DRC11: variants seen among roughly 807,000 people sequenced by gnomAD.
The protein encoded by DRC11 is dynein regulatory complex subunit 11.
the DRC11 span, among the ~76,000 whole-genome samples, chr2:236,336,456 ACGGCCACCACCAC>A: frequency 1.3e-5 from 2 of 150,218 alleles, no homozygotes; most frequent in African/African-American, 5.0e-5. This position sits in a 1 kb window ranked among gnomAD's most constrained non-coding sequence, Gnocchi z 7.3. Flanking sequence ...CACTGCCACC[ACGGCCACCACCAC>A]TGCCACCACG....
chr2:236,460,937 TAG>T, the DRC11 span, among the ~76,000 whole-genome samples: 1 of 152,110 alleles, frequency 6.6e-6, no homozygotes, highest in Non-Finnish European at 1.5e-5. The surrounding 1 kb of genome is among the most constrained non-coding windows in gnomAD (Gnocchi z 4.0). Context: ...GTATTTTTAG[TAG>T]AGACGGGGTT....
the DRC11 span, among the ~76,000 whole-genome samples, chr2:236,376,402 A>G: frequency 4.6e-5 from 7 of 152,234 alleles, no homozygotes; most frequent in Non-Finnish European, 1.0e-4. This position sits in a 1 kb window ranked among gnomAD's most constrained non-coding sequence, Gnocchi z 5.7. Context: ...TATCAGGACA[A>G]TTGGGAAAGC....
the DRC11 span, among the ~76,000 whole-genome samples, chr2:236,433,447 C>A: frequency 6.6e-6 from 1 of 152,116 alleles, no homozygotes; most frequent in Non-Finnish European, 1.5e-5. Flanking sequence ...CTTTTCTTCA[C>A]GTAGAATGTA....
the DRC11 span, chr2:236,363,765 A>G: frequency 6.3e-7 from 1 of 1,577,610 alleles, no homozygotes; most frequent in African/African-American, 1.3e-5. This position sits in a 1 kb window ranked among gnomAD's most constrained non-coding sequence, Gnocchi z 5.6. Flanking sequence ...GGAAACCAAG[A>G]AATGTAATCC....
the DRC11 span, among the ~76,000 whole-genome samples, chr2:236,415,471 C>T: frequency 1.3e-5 from 2 of 152,182 alleles, no homozygotes; most frequent in African/African-American, 2.4e-5. The surrounding 1 kb of genome is among the most constrained non-coding windows in gnomAD (Gnocchi z 5.7). Flanking sequence ...GTTTGAGGTA[C>T]TCTAGGGTTG....
At chr2:236,334,470 G>A in the DRC11 span, among the ~76,000 whole-genome samples, 1 of 152,144 alleles carries the variant, frequency 6.6e-6, no homozygotes. The surrounding 1 kb of genome is among the most constrained non-coding windows in gnomAD (Gnocchi z 7.8). Flanking sequence ...CCAAGGCTAG[G>A]GGCCCCAGAG....
chr2:236,355,591 T>C, the DRC11 span, among the ~76,000 whole-genome samples: 1 of 152,114 alleles, frequency 6.6e-6, no homozygotes, highest in Non-Finnish European at 1.5e-5. Context: ...CCCATGTCCT[T>C]ACTCCTCTCT....
chr2:236,328,950 A>G, the DRC11 span, among the ~76,000 whole-genome samples: 2 of 152,178 alleles, frequency 1.3e-5, no homozygotes, highest in South Asian at 2.1e-4. This position sits in a 1 kb window ranked among gnomAD's most constrained non-coding sequence, Gnocchi z 6.7. Flanking sequence ...CTGGGTGACA[A>G]TCAAGATGGC....
chr2:236,380,671 C>A, the DRC11 span: 2 of 1,460,480 alleles, frequency 1.4e-6, no homozygotes, highest in Non-Finnish European at 1.9e-6. This position sits in a 1 kb window ranked among gnomAD's most constrained non-coding sequence, Gnocchi z 4.9. Flanking sequence ...ACAATTTAGT[C>A]AAAACAAGCA....
At chr2:236,343,600 A>C in the DRC11 span, 1 of 659,442 alleles carries the variant, frequency 1.5e-6, no homozygotes, top group South Asian at 1.5e-5. This position sits in a 1 kb window ranked among gnomAD's most constrained non-coding sequence, Gnocchi z 6.6. Context: ...GTTTCTGATA[A>C]CTCCAGGTGT....
the DRC11 span, chr2:236,399,282 G>T: frequency 1.4e-5 from 11 of 783,086 alleles, no homozygotes; most frequent in Non-Finnish European, 2.2e-5. The surrounding 1 kb of genome is among the most constrained non-coding windows in gnomAD (Gnocchi z 7.0). Context: ...AAGCCACCTC[G>T]CCTGGCCAGG....
At chr2:236,481,260 T>C in the DRC11 span, among the ~76,000 whole-genome samples, 4 of 152,182 alleles carry the variant, frequency 2.6e-5, no homozygotes, top group Admixed American at 6.5e-5. Context: ...TTCCTGTAGG[T>C]TGAGGCAGGG....
chr2:236,407,378 C>T, the DRC11 span, among the ~76,000 whole-genome samples: 6 of 151,958 alleles, frequency 3.9e-5, no homozygotes, highest in African/African-American at 1.5e-4. Context: ...GTTACTGGCT[C>T]TCCAGTCCTC....
the DRC11 span, among the ~76,000 whole-genome samples, chr2:236,386,585 C>G: frequency 1.3e-5 from 2 of 152,148 alleles, no homozygotes; most frequent in Admixed American, 1.3e-4. Flanking sequence ...AGCGGTCTAT[C>G]AATTTTGTTG....
At chr2:236,401,501 CAAG>C in the DRC11 span, among the ~76,000 whole-genome samples, 2 of 152,164 alleles carry the variant, frequency 1.3e-5, no homozygotes, top group Non-Finnish European at 2.9e-5. The surrounding 1 kb of genome is among the most constrained non-coding windows in gnomAD (Gnocchi z 4.6). Context: ...CTGGATGAAA[CAAG>C]AAGAGGGAAA....
the DRC11 span, among the ~76,000 whole-genome samples, chr2:236,506,748 G>C: frequency 6.6e-6 from 1 of 152,226 alleles, no homozygotes; most frequent in Non-Finnish European, 1.5e-5. This position sits in a 1 kb window ranked among gnomAD's most constrained non-coding sequence, Gnocchi z 4.9. Flanking sequence ...AGGTAACTTT[G>C]TGCAAGTGCT....
chr2:236,365,244 T>C, the DRC11 span, among the ~76,000 whole-genome samples: 1 of 151,836 alleles, frequency 6.6e-6, no homozygotes, highest in Non-Finnish European at 1.5e-5. The surrounding 1 kb of genome is among the most constrained non-coding windows in gnomAD (Gnocchi z 7.4). Flanking sequence ...TGAGTTGCCA[T>C]AATGAGAACG....
chr2:236,363,629 G>T, the DRC11 span: 2 of 661,920 alleles, frequency 3.0e-6, no homozygotes, highest in South Asian at 2.0e-5. This position sits in a 1 kb window ranked among gnomAD's most constrained non-coding sequence, Gnocchi z 5.6. Flanking sequence ...TGTGTGTTTG[G>T]CCATACGCAA....
chr2:236,355,749 C>G, the DRC11 span, among the ~76,000 whole-genome samples: 565 of 107,948 alleles, frequency 5.2e-3, 5 homozygotes, highest in African/African-American at 0.011. Flanking sequence ...CTCTCTCTCT[C>G]TGTGTGTGTG....
Sources: gnomAD v4.1 joint callset for allele counts (sites outside exome capture counted in the v4.1 genomes callset) on GRCh38, gnomAD v4.1.1 for gene constraint, Gnocchi (gnomAD v3.1) non-coding constraint, MANE v1.5 for transcripts, NCBI Gene and HGNC (gene_info 2026-07-23, HGNC 2026-07-21) for gene names.